Variants in SFXN5 observed in about 807,000 individuals in gnomAD.
SFXN5 encodes the protein sideroflexin 5.
A neutral mutation model predicts 50.2 loss-of-function variants in SFXN5; 43 were observed. The observed-to-expected ratio is 0.86, with a 90% CI of 0.67 to 1.11. The LOEUF (loss-of-function observed/expected upper bound fraction) is 1.11, where lower values mean the gene tolerates loss of function less well. Ranked by LOEUF, SFXN5 falls within the 50% of genes least tolerant of loss-of-function variation. The pLI is 0.00. For missense variants in SFXN5, 463 were observed against 454.1 expected, an observed-to-expected ratio of 1.02 and a Z score of -0.18; for synonymous variants, 203 against 185.8, an observed-to-expected ratio of 1.09 and a Z score of -0.75.
chr2:72,995,996 G>A (rs1673177095), intron 9 of SFXN5, among the ~76,000 whole-genome samples: 1 of 152,200 alleles, frequency 6.6e-6, no homozygotes, highest in Non-Finnish European at 1.5e-5. Context: ...TCAATCAGTG[G>A]CCTAATTAAT....
At chr2:73,003,317 TCTC>T (rs1401655048) in intron 6 of SFXN5, among the ~76,000 whole-genome samples, 1 of 152,118 alleles carries the variant, frequency 6.6e-6, no homozygotes, top group African/African-American at 2.4e-5. Flanking sequence ...TACACTGTCT[TCTC>T]CTCTGAATCC....
chr2:72,951,829 G>A (rs889665519), intron 13 of SFXN5, among the ~76,000 whole-genome samples: 3 of 152,204 alleles, frequency 2.0e-5, no homozygotes, highest in East Asian at 1.9e-4. Flanking sequence ...CGACATTGAC[G>A]CAGGGCCCAA....
Position 73,022,482 on chromosome 2 carries a change from C to T in SFXN5, c.331+40G>A, listed in dbSNP as rs375578953. The T allele has an allele frequency of 9.7e-5, 150 of 1,549,700 alleles. 4 individuals carry two copies. The highest frequency in any genetic ancestry group is 5.7e-4 in the South Asian group (51 of 89,770). ...CCTGGAACTGTGACTGGAGTAAGCACCCCAGGCTGACCAGAACCAGAAGGG... is the reference window on the plus strand; with the variant it reads ...CCTGGAACTGTGACTGGAGTAAGCATCCCAGGCTGACCAGAACCAGAAGGG... On this transcript the variant is annotated intron_variant, in intron 5 of 13. Transcript: ENST00000272433.
chr2:73,011,453 C>T (rs1053186838), intron 6 of SFXN5, among the ~76,000 whole-genome samples: 1 of 152,162 alleles, frequency 6.6e-6, no homozygotes, highest in African/African-American at 2.4e-5. Context: ...ATATTTAAAA[C>T]TTTTCTATAA....
rs1470434596 is a variant in SFXN5, at chr2:72,984,963, T to C, written c.625+3295A>G. On this transcript the variant is annotated intron_variant, in intron 10 of 13. Coordinates refer to ENST00000272433, the MANE Select transcript of SFXN5 (RefSeq NM_144579.3). ...AAGAAACTGACTCTTGGGGATTCCT[T>C]GTTCCCCAGAGCTTGAGTTCCCAAC... Among the ~76,000 whole-genome samples, 3 of 152,198 alleles carry C rather than the reference T, an allele frequency of 2.0e-5. No individual in the cohort carries two copies. In the East Asian group the frequency reaches 5.8e-4, roughly 30 times the overall value.
chr2:72,968,343 G>T, intron 12 of SFXN5, 105 bp downstream of exon 12: 1 of 991,042 alleles, frequency 1.0e-6, no homozygotes, highest in Non-Finnish European at 1.5e-6. Flanking sequence ...AAACTGGGGT[G>T]GGCTTCCTGC....
intron 3 of SFXN5, among the ~76,000 whole-genome samples, chr2:73,025,366 T>C (rs1677432246): frequency 6.6e-6 from 1 of 152,126 alleles, no homozygotes; most frequent in Admixed American, 6.5e-5. Flanking sequence ...AGGAACTGGC[T>C]TTTCAGCACT....
rs111585916 is a variant in SFXN5 at position 73,066,205 on chromosome 2, A to G, written c.102+5399T>C. On this transcript the variant is annotated intron_variant, in intron 1 of 13. Transcript: ENST00000272433. ...TGAGAAGGTGGGGAATTCTACAGGG[A>G]CGAACAACTGCTTCTTCAATAGGAA... Among the ~76,000 whole-genome samples, 284 of 152,248 alleles carry G rather than the reference A, an allele frequency of 1.9e-3. 3 individuals carry two copies. Among genetic ancestry groups the G allele is most frequent in the African/African-American group, 5.3e-3 (220 of 41,540 alleles).
intron 12 of SFXN5, among the ~76,000 whole-genome samples, chr2:72,964,635 A>G (rs138196832): frequency 6.6e-6 from 1 of 152,216 alleles, no homozygotes; most frequent in African/African-American, 2.4e-5. Flanking sequence ...TCCAGAGTAC[A>G]TGTGAGATTA....
At chr2:73,040,509 A>G (rs1679482251) in intron 3 of SFXN5, among the ~76,000 whole-genome samples, 1 of 152,196 alleles carries the variant, frequency 6.6e-6, no homozygotes, top group Non-Finnish European at 1.5e-5. Context: ...GCCAACTTCT[A>G]TGGTATAAAT....
At chr2:73,022,421 C>A in intron 5 of SFXN5, 101 bp downstream of exon 5, 1 of 874,228 alleles carries the variant, frequency 1.1e-6, no homozygotes. Flanking sequence ...TTGTAACAGG[C>A]TCTGTCCCCT....
chr2:73,043,656 G>A (rs770576938), intron 2 of SFXN5, among the ~76,000 whole-genome samples: 11 of 152,084 alleles, frequency 7.2e-5, no homozygotes, highest in South Asian at 2.1e-4. Flanking sequence ...GCCCCTTCCC[G>A]GATACGTTCA....
At chr2:73,049,840 G>A (rs756250300) in intron 2 of SFXN5, 2 of 151,942 alleles carry the variant, frequency 1.3e-5, no homozygotes, top group Non-Finnish European at 2.9e-5. Context: ...TCTAAATTAG[G>A]TATGGATGAG....
intron 3 of SFXN5, among the ~76,000 whole-genome samples, chr2:73,035,213 G>A (rs1055752839): frequency 1.3e-5 from 2 of 152,038 alleles, no homozygotes; most frequent in African/African-American, 2.4e-5. Flanking sequence ...CATGGGGAGG[G>A]GTCTTCCATA....
At chr2:73,063,607 G>A (rs545493801) in intron 1 of SFXN5, among the ~76,000 whole-genome samples, 12 of 152,228 alleles carry the variant, frequency 7.9e-5, no homozygotes, top group Admixed American at 2.6e-4. Flanking sequence ...TTGATTCTCC[G>A]AGGCAAAGTG....
At chr2:72,971,760 C>T in intron 10 of SFXN5, 75 bp from the exon 11 acceptor site, 1 of 1,103,750 alleles carries the variant, frequency 9.1e-7, no homozygotes, top group Non-Finnish European at 1.4e-6. Context: ...TCACTACACT[C>T]CTTCCTACGC....
chr2:73,064,642 A>C (rs916829083), intron 1 of SFXN5, among the ~76,000 whole-genome samples: 2 of 152,184 alleles, frequency 1.3e-5, no homozygotes, highest in African/African-American at 2.4e-5. Context: ...GAAGTGAAGA[A>C]AGCATTTGTC....
chr2:72,962,651 A>G (rs1363850223), intron 12 of SFXN5, among the ~76,000 whole-genome samples: 1 of 152,196 alleles, frequency 6.6e-6, no homozygotes, highest in African/African-American at 2.4e-5. Flanking sequence ...TAAAGATCCC[A>G]TTACTTGCAA....
chr2:72,998,408 C>A (rs564468761), intron 9 of SFXN5: 1 of 154,312 alleles, frequency 6.5e-6, no homozygotes, highest in East Asian at 1.9e-4. Context: ...TGAGTAGCTG[C>A]TCTGGCCTCA....
Sources: allele counts gnomAD v4.1 joint callset (sites outside exome capture counted in the v4.1 genomes callset), GRCh38; gene constraint gnomAD v4.1.1; transcripts MANE v1.5; gene names NCBI Gene and HGNC (gene_info 2026-07-23, HGNC 2026-07-21).